Variants in ACP6 observed in about 807,000 individuals in gnomAD.
The protein encoded by ACP6 is acid phosphatase 6, lysophosphatidic, also known as lysophosphatidic acid phosphatase type 6.
Under a neutral mutation model 48.1 loss-of-function variants are expected in ACP6, and 48 were observed. That is an observed-to-expected ratio of 1.00 (90% CI 0.79 to 1.27). The LOEUF (loss-of-function observed/expected upper bound fraction) is 1.27. Ranked by LOEUF, ACP6 falls within the 50% of genes most tolerant of loss-of-function variation. The pLI is 0.00. For synonymous variants in ACP6, 172 were observed against 204.2 expected (o/e 0.84, Z 1.34); for missense variants, 485 against 529.1 (o/e 0.92, Z 0.82).
Position 147,636,160 on chromosome 1 carries a change from G to T in ACP6, c.461-5095C>A, listed in dbSNP as rs587693057. ...GAAACCTAAGCATGTGGGGGAAAGG[G>T]TGTAAATGTGAAAGAGGCAAAGAGA... On this transcript the variant is annotated intron_variant, in intron 5 of 5. Coordinates refer to the ACP6 transcript ENST00000609196. Among the ~76,000 whole-genome samples, 58 of 152,306 alleles carry T rather than the reference G, an allele frequency of 3.8e-4. No individual in the cohort carries two copies. The South Asian group carries it at 0.012, about 30-fold the overall frequency.
rs782037463 is a variant in ACP6, at chr1:147,659,051, G to A, written c.480-12C>T. 1.2e-6 allele frequency: 2 copies of A among 1,603,848 alleles called. No homozygotes were observed. Among genetic ancestry groups the A allele is most frequent in the Admixed American group, 3.4e-5 (2 of 58,392 alleles). ...TAGTGGAACGAATACTGAAAAAAAT[G>A]AGAAAATAGTGACACTCATAAAAGG... On this transcript the variant is annotated splice_polypyrimidine_tract_variant and intron_variant, in intron 3 of 9. Coordinates refer to ENST00000583509, the MANE Select transcript of ACP6 (RefSeq NM_016361.5).
intron 4 of ACP6, among the ~76,000 whole-genome samples, chr1:147,656,197 A>G (rs587671881): frequency 1.3e-5 from 2 of 152,334 alleles, no homozygotes; most frequent in South Asian, 4.1e-4. Context: ...AAGAAACCAC[A>G]CTGAAAGTCA....
At chr1:147,649,964 G>A (rs1239540368) in intron 8 of ACP6, 179 bp downstream of exon 8, 5 of 552,308 alleles carry the variant, frequency 9.1e-6, no homozygotes, top group Admixed American at 4.1e-5. Context: ...GGTAGGAGGG[G>A]TGCAGCAGGA....
chr1:147,662,907 A>T (rs1244316427), intron 1 of ACP6, among the ~76,000 whole-genome samples: 1 of 152,210 alleles, frequency 6.6e-6, no homozygotes, highest in African/African-American at 2.4e-5. Context: ...AGAAATTGCC[A>T]CAGCCACCCC....
At chr1:147,634,261 T>A (rs1275273839) in intron 5 of ACP6, among the ~76,000 whole-genome samples, 3 of 152,224 alleles carry the variant, frequency 2.0e-5, no homozygotes, top group Non-Finnish European at 4.4e-5. Context: ...TGGAGAAATG[T>A]GTATTCAAGT....
At position 147,645,945 on chromosome 1, in the gene ACP6, T is replaced by G. The variant is rs183160839; in HGVS notation, c.*1478A>C. 1.3e-5 allele frequency: 2 copies of G among 152,266 alleles called. No homozygotes were observed. The highest frequency in any genetic ancestry group is 6.5e-5 in the Admixed American group (1 of 15,288). 9.4% of individuals were successfully genotyped at this position (152,266 alleles called of 1,614,324 possible). Reference sequence around the variant, plus strand: ...CTAGAGGGTTGGGCTTTGATAGGAATAGTGTTGGTTCATTCTTAGTAAGAG... The same window carrying G: ...CTAGAGGGTTGGGCTTTGATAGGAAGAGTGTTGGTTCATTCTTAGTAAGAG... On this transcript the variant is annotated 3_prime_UTR_variant, in exon 10 of 10. Coordinates refer to ENST00000583509, the MANE Select transcript of ACP6 (RefSeq NM_016361.5).
chr1:147,648,477 C>A, intron 8 of ACP6, 66 bp from the exon 9 acceptor site: 1 of 1,573,882 alleles, frequency 6.4e-7, no homozygotes, highest in South Asian at 1.2e-5. Flanking sequence ...ATGTGGCCTG[C>A]CTCCTTTACG....
At position 147,659,446 on chromosome 1, in the gene ACP6, A is replaced by G; in HGVS notation, c.429T>C (p.Tyr143=). 1 of 1,614,248 alleles carries G rather than the reference A, an allele frequency of 6.2e-7. No individual in the cohort carries two copies. Among genetic ancestry groups the G allele is most frequent in the South Asian group, 1.1e-5 (1 of 91,090 alleles). The change falls in exon 3 of 10, where the codon TAT becomes TAC. Residue 143 remains tyrosine (Y), a synonymous_variant. Transcript: ENST00000583509. ...FALGERLRKN[Y]VEDIPFLSPT... ...GTGAAAGAAAGGGAATGTCTTCCAC[A>G]TAGTTCTTCCTCAGTCTCTCTCCCA...
At chr1:147,657,097 C>T (rs1553211750) in intron 4 of ACP6, among the ~76,000 whole-genome samples, 1 of 152,174 alleles carries the variant, frequency 6.6e-6, no homozygotes, top group East Asian at 1.9e-4. Flanking sequence ...AATGACTGTA[C>T]TAAGTCCTTT....
intron 5 of ACP6, among the ~76,000 whole-genome samples, chr1:147,631,881 A>G (rs1267659613): frequency 1.3e-5 from 2 of 152,086 alleles, no homozygotes; most frequent in African/African-American, 4.8e-5. Context: ...AGACCCTTTC[A>G]TGGCTTCCTA....
At chr1:147,630,783 A>C (rs769315376) in exon 6 of ACP6, 5 of 152,188 alleles carry the variant, frequency 3.3e-5, no homozygotes, top group Non-Finnish European at 5.9e-5. Flanking sequence ...ACTGTGATTT[A>C]TTTTGTTCTC....
Position 147,670,174 on chromosome 1 carries a change from T to C in ACP6, c.-126A>G, listed in dbSNP as rs2883202. On this transcript the variant is annotated 5_prime_UTR_variant, in exon 1 of 10. Coordinates refer to ENST00000583509, the MANE Select transcript of ACP6 (RefSeq NM_016361.5). ...ACCTGCGGATGCGTACATCCAGCCC[T>C]TCAGCAAGCAGGGACCGCTGTGCCT... 0.35 allele frequency: 302,835 copies of C among 869,856 alleles called. 58,828 individuals are homozygous for C. The highest frequency in any genetic ancestry group is 0.69 in the East Asian group (24,992 of 36,348). 53.9% of individuals were successfully genotyped at this position (869,856 alleles called of 1,614,324 possible). A position where few individuals can be genotyped will look rare whatever the true frequency, so the allele number is the denominator to read the frequency against.
In ACP6 at chr1:147,645,223, T is replaced by C. The variant is rs1659579274; in HGVS notation, c.*2200A>G. 1 of 151,060 alleles carries C rather than the reference T, an allele frequency of 6.6e-6. No homozygotes were observed. The highest frequency in any genetic ancestry group is 1.5e-5 in the Non-Finnish European group (1 of 67,764). The allele number at this position is 151,060 out of a possible 1,614,324, so 9.4% of individuals were successfully genotyped here. On this transcript the variant is annotated 3_prime_UTR_variant, in exon 10 of 10. Coordinates refer to ENST00000583509, the MANE Select transcript of ACP6 (RefSeq NM_016361.5). ...AATAATTTTATAAAATTATAATAAT[T>C]TTATAAAAATATAATAATTTTTGTA...
At chr1:147,650,311 C>T in intron 7 of ACP6, 73 bp from the exon 8 acceptor site, 1 of 1,112,190 alleles carries the variant, frequency 9.0e-7, no homozygotes. Flanking sequence ...GATTCTGCCC[C>T]CAGGACCTCA....
intron 3 of ACP6, 105 bp from the exon 4 acceptor site, chr1:147,659,144 G>A (rs1180767530): frequency 1.7e-6 from 2 of 1,148,632 alleles, no homozygotes; most frequent in East Asian, 2.6e-5. Context: ...AGTACATAAG[G>A]AGAGCTATGG....
downstream of ACP6, among the ~76,000 whole-genome samples, chr1:147,640,073 C>G (rs1553208455): frequency 6.6e-6 from 1 of 152,140 alleles, no homozygotes; most frequent in East Asian, 1.9e-4. Context: ...CAAGAAGATG[C>G]AGGTTCAAAA....
At chr1:147,632,891 A>C (rs147616712) in intron 5 of ACP6, among the ~76,000 whole-genome samples, 1 of 152,222 alleles carries the variant, frequency 6.6e-6, no homozygotes, top group Non-Finnish European at 1.5e-5. Flanking sequence ...GACAGCTGTG[A>C]AGGAAGAACC....
In ACP6 at chr1:147,670,431, G is replaced by T. The variant is rs1464551572; in HGVS notation, c.-383C>A. The T allele has an allele frequency of 5.9e-6, 1 of 168,422 alleles. No homozygotes were observed. Among genetic ancestry groups the T allele is most frequent in the Non-Finnish European group, 1.3e-5 (1 of 78,798 alleles). The allele number at this position is 168,422 out of a possible 1,614,324, so 10.4% of individuals were successfully genotyped here. A position where few individuals can be genotyped will look rare whatever the true frequency, so the allele number is the denominator to read the frequency against. On this transcript the variant is annotated 5_prime_UTR_variant, in exon 1 of 10. Coordinates refer to ENST00000583509, the MANE Select transcript of ACP6 (RefSeq NM_016361.5). ...GGAGCCGGCCCTGAGTTCCCTGGCG[G>T]CAGCGGCTCCACCAGCAAGGACTAC...
Position 147,655,201 on chromosome 1 carries a change from G to A in ACP6, c.607C>T (p.Pro203Ser). 6.2e-7 allele frequency: 1 copy of A among 1,609,458 alleles called. No individual in the cohort carries two copies. The highest frequency in any genetic ancestry group is 1.1e-5 in the South Asian group (1 of 89,914). Reference sequence around the variant, plus strand: ...AGGCTCCAGCAGCTTTGGTAGTTGGGATACAAGACTTCTGAATCTGCTTCA... The same window carrying A: ...AGGCTCCAGCAGCTTTGGTAGTTGGAATACAAGACTTCTGAATCTGCTTCA... ...TDEADSEVLY[P>S]NYQSCWSLRQ... Residue 203 changes from proline to serine, a missense_variant, in exon 5 of 10, where the codon CCC (proline) becomes TCC (serine). Pro to Ser is a moderately conservative substitution (Grantham distance 74). Coordinates refer to ENST00000583509, the MANE Select transcript of ACP6 (RefSeq NM_016361.5).
Sources: allele counts gnomAD v4.1 joint callset (sites outside exome capture counted in the v4.1 genomes callset), GRCh38; gene constraint gnomAD v4.1.1; transcripts MANE v1.5; gene names NCBI Gene and HGNC (gene_info 2026-07-23, HGNC 2026-07-21).